The following C1orf87 variants were observed in gnomAD, a reference collection of about 807,000 sequenced individuals.
C1orf87 encodes uncharacterized protein C1orf87.
C1orf87 carries 58 observed loss-of-function variants against 60.5 expected under a neutral mutation model. That is an observed-to-expected ratio of 0.96 (90% CI 0.78 to 1.19). The LOEUF (loss-of-function observed/expected upper bound fraction) is 1.19, where lower values mean the gene tolerates loss of function less well. Among genes scored for constraint, C1orf87 ranks in the 50% most tolerant of loss-of-function variants. The pLI is 0.00. For synonymous variants in C1orf87, 236 were observed against 227.4 expected, an observed-to-expected ratio of 1.04 and a Z score of -0.34; for missense variants, 673 against 638.6, an observed-to-expected ratio of 1.05 and a Z score of -0.58.
chr1:60,021,770 T>A (rs1645164771), intron 8 of C1orf87, among the ~76,000 whole-genome samples: 1 of 152,228 alleles, frequency 6.6e-6, no homozygotes, highest in Middle Eastern at 3.4e-3. Context: ...ATTACCTAAT[T>A]CATTAGAGGT....
At chr1:60,034,454 G>A (rs770388239) in intron 6 of C1orf87, among the ~76,000 whole-genome samples, 1 of 152,146 alleles carries the variant, frequency 6.6e-6, no homozygotes, top group Non-Finnish European at 1.5e-5. Context: ...AAGTTCCCTA[G>A]AGGGACAGTC....
rs767584097 is a variant in C1orf87, at chr1:59,997,760, G to A, written c.1329C>T (p.Cys443=). 40 of 1,613,740 alleles carry A rather than the reference G, an allele frequency of 2.5e-5. No homozygotes were observed. In the South Asian group the frequency reaches 4.2e-4, roughly 17 times the overall value. ...TCTTTAAAGGTTTCAGAGGATCTTT[G>A]CAGGCTGAAGTTTCAGCAGGAGAGC... The part of the protein sequence containing the change: ...PESSPAETSA[C]KDPLKPLKIR... Residue 443 remains cysteine, a synonymous_variant, in exon 11 of 12, where the codon TGC becomes TGT. Coordinates refer to ENST00000371201, the MANE Select transcript of C1orf87 (RefSeq NM_152377.3).
chr1:60,072,746 AG>A, intron 1 of C1orf87, 76 bp from the exon 2 acceptor site: 6 of 706,864 alleles, frequency 8.5e-6, no homozygotes, highest in Non-Finnish European at 1.2e-5. Flanking sequence ...AATAACAACA[AG>A]CAATAATAAT....
intron 3 of C1orf87, among the ~76,000 whole-genome samples, chr1:60,050,362 G>A (rs948072125): frequency 6.6e-6 from 1 of 151,746 alleles, no homozygotes; most frequent in Non-Finnish European, 1.5e-5. Context: ...TTATGTCTTG[G>A]CATTTGATTT....
chr1:60,032,437 T>TG (rs1645245488), intron 7 of C1orf87, among the ~76,000 whole-genome samples: 1 of 142,176 alleles, frequency 7.0e-6, no homozygotes, highest in East Asian at 2.0e-4. Context: ...CTCAGGTTTT[T>TG]TTTTTTTTTT....
Position 60,040,010 on chromosome 1 carries a change from C to T in C1orf87, c.654G>A (p.Leu218=), listed in dbSNP as rs373494522. The stretch of plus-strand genomic sequence containing the variant: ...CTTCATGCTTCAAAAAGAGGCGGCT[C>T]AGCTGAGATTGGAGAAGAAATCCTG... The part of the protein sequence containing the change: ...ISSGFLLQSQ[L]SRLFLKHEVP... The change falls in exon 5 of 12, where the codon CTG becomes CTA. Residue 218 remains leucine (L), a synonymous_variant. Coordinates refer to ENST00000371201, the MANE Select transcript of C1orf87 (RefSeq NM_152377.3). 3.1e-6 allele frequency: 5 copies of T among 1,614,048 alleles called. No homozygotes were observed. The African/African-American group carries it at 5.3e-5, about 17-fold the overall frequency.
intron 8 of C1orf87, among the ~76,000 whole-genome samples, chr1:60,018,562 G>A (rs979222669): frequency 1.4e-4 from 21 of 152,134 alleles, no homozygotes; most frequent in Admixed American, 6.5e-4. Context: ...CTACGTACAG[G>A]TATAATGTGA....
chr1:60,033,769 C>T (rs1645256283), intron 6 of C1orf87, 128 bp from the exon 7 acceptor site: 3 of 1,036,182 alleles, frequency 2.9e-6, no homozygotes, highest in South Asian at 2.0e-5. Context: ...CGTAGGCCCT[C>T]TCAGTCTTGG....
chr1:60,005,735 G>A (rs1021540587), intron 9 of C1orf87, among the ~76,000 whole-genome samples: 9 of 151,588 alleles, frequency 5.9e-5, no homozygotes, highest in East Asian at 1.9e-4. Flanking sequence ...GGGCTAAAAG[G>A]CCCCATGGGC....
At chr1:60,018,982 G>C (rs1268341572) in intron 8 of C1orf87, among the ~76,000 whole-genome samples, 2 of 152,184 alleles carry the variant, frequency 1.3e-5, no homozygotes, top group African/African-American at 4.8e-5. Flanking sequence ...TAGTGTGTAA[G>C]AGTAGTGCTT....
chr1:60,004,391 C>T (rs907775827), intron 9 of C1orf87, among the ~76,000 whole-genome samples: 4 of 151,968 alleles, frequency 2.6e-5, no homozygotes, highest in African/African-American at 9.7e-5. Context: ...TTAAGCAAAT[C>T]GAGCTTCCCC....
intron 2 of C1orf87, among the ~76,000 whole-genome samples, chr1:60,067,390 A>G (rs1645554045): frequency 6.6e-6 from 1 of 151,774 alleles, no homozygotes; most frequent in Non-Finnish European, 1.5e-5. Flanking sequence ...CATTCCTGAC[A>G]TTTCAATGAT....
chr1:59,991,286 G>C (rs1460113930), intron 11 of C1orf87, among the ~76,000 whole-genome samples: 1 of 152,144 alleles, frequency 6.6e-6, no homozygotes, highest in African/African-American at 2.4e-5. Context: ...TGTATTTATA[G>C]ATGTTCTTTG....
At chr1:60,058,214 A>T (rs1223878240) in intron 2 of C1orf87, among the ~76,000 whole-genome samples, 2 of 152,152 alleles carry the variant, frequency 1.3e-5, no homozygotes, top group African/African-American at 4.8e-5. Flanking sequence ...TTGAGGGGAG[A>T]TGTATAGCCC....
At chr1:60,001,802 G>C (rs111392836) in intron 9 of C1orf87, among the ~76,000 whole-genome samples, 1 of 152,096 alleles carries the variant, frequency 6.6e-6, no homozygotes, top group East Asian at 1.9e-4. Context: ...TCAATGGTCG[G>C]TGGTACTGGA....
At chr1:60,021,470 T>C (rs951666363) in intron 8 of C1orf87, among the ~76,000 whole-genome samples, 2 of 152,194 alleles carry the variant, frequency 1.3e-5, no homozygotes. Flanking sequence ...AAGGAAGGCC[T>C]TCTTCAAGTT....
rs1645083896 is a variant in C1orf87 at position 60,011,377 on chromosome 1, G to A, written c.1128-921C>T. 2.6e-5 allele frequency among the ~76,000 whole-genome samples: 4 copies of A among 151,862 alleles called. No homozygotes were observed. The South Asian group carries it at 8.3e-4, about 32-fold the overall frequency. On this transcript the variant is annotated intron_variant, in intron 8 of 11. Coordinates refer to ENST00000371201, the MANE Select transcript of C1orf87 (RefSeq NM_152377.3). Reference sequence around the variant, plus strand: ...GGTCAAAGTCCCATACCTTGCCCTAGCCAACGTTGTGACCCACCCCCTCTA... The same window carrying A: ...GGTCAAAGTCCCATACCTTGCCCTAACCAACGTTGTGACCCACCCCCTCTA...
chr1:60,018,944 G>C (rs769297051), intron 8 of C1orf87, among the ~76,000 whole-genome samples: 2 of 152,108 alleles, frequency 1.3e-5, no homozygotes, highest in African/African-American at 2.4e-5. Flanking sequence ...TGAGGAAAGG[G>C]GCTTTGTTTT....
chr1:60,028,445 A>T (rs1645214688), intron 7 of C1orf87, among the ~76,000 whole-genome samples: 1 of 152,216 alleles, frequency 6.6e-6, no homozygotes, highest in African/African-American at 2.4e-5. Flanking sequence ...GTTATTCACG[A>T]TTATTATTAA....
Sources: gnomAD v4.1 joint callset for allele counts (sites outside exome capture counted in the v4.1 genomes callset) on GRCh38, gnomAD v4.1.1 for gene constraint, MANE v1.5 for transcripts, NCBI Gene and HGNC (gene_info 2026-07-23, HGNC 2026-07-21) for gene names.